The following CFAP65 variants were observed in gnomAD, a reference collection of about 807,000 sequenced individuals.
The protein encoded by CFAP65 is cilia- and flagella-associated protein 65.
A neutral mutation model predicts 208.0 loss-of-function variants in CFAP65; 155 were observed. The ratio of observed to expected loss-of-function variants is 0.75; its 90% CI spans 0.65 to 0.85. The LOEUF (loss-of-function observed/expected upper bound fraction) is 0.85. CFAP65 is among the 40% of genes least tolerant of loss of function. The pLI, the probability that CFAP65 is intolerant of heterozygous loss-of-function variation, is 0.00. For synonymous variants in CFAP65, 970 were observed against 986.3 expected (o/e 0.98, Z 0.31); for missense variants, 2,294 against 2,451.3 (o/e 0.94, Z 1.36).
At position 219,005,899 on chromosome 2, in the gene CFAP65, C is replaced by G. The variant is rs1945935608; in HGVS notation, c.4922+122G>C. The stretch of plus-strand genomic sequence containing the variant: ...CCTGGGCCCAGAGGCGCTCAATGAG[C>G]CCCACTGCTGCTGCCCATGCTCCAC... On this transcript the variant is annotated intron_variant, in intron 31 of 34. Transcript: ENST00000341552. The G allele has an allele frequency of 1.4e-5, 14 of 1,011,838 alleles. No homozygotes were observed. In the South Asian group the frequency reaches 2.2e-4, roughly 16 times the overall value. 62.7% of individuals were successfully genotyped at this position (1,011,838 alleles called of 1,614,324 possible).
chr2:219,030,540 G>C (rs968343131), intron 9 of CFAP65, 149 bp downstream of exon 9: 3 of 1,099,194 alleles, frequency 2.7e-6, no homozygotes, highest in Non-Finnish European at 2.6e-6. Flanking sequence ...CTGAGGAGAA[G>C]GACACACCTG....
Position 219,031,177 on chromosome 2 carries a change from T to G in CFAP65, c.944A>C (p.Tyr315Ser). ...GTACCAGCACGTGGCCTGCACCTCGTAGATGACGGCTGTAAGGGGCTGAAA... is the reference window on the plus strand; with the variant it reads ...GTACCAGCACGTGGCCTGCACCTCGGAGATGACGGCTGTAAGGGGCTGAAA... ...VTFQPLTAVI[Y>S]EVQATCWYGA... Residue 315 changes from tyrosine to serine, a missense_variant, in exon 8 of 35, where the codon TAC becomes TCC. By Grantham distance (144) the Tyr-to-Ser change is moderately radical. Around this residue, in one of 2 missense-constraint regions of CFAP65, gnomAD observed 867 missense variants for 1,012.6 expected, o/e 0.86. Transcript: ENST00000341552. This position sits in a 1 kb window ranked among gnomAD's most constrained non-coding sequence, Gnocchi z 5.2. The G allele has an allele frequency of 6.2e-7, 1 of 1,612,006 alleles. No homozygotes were observed. Among genetic ancestry groups the G allele is most frequent in the Non-Finnish European group, 8.5e-7 (1 of 1,179,232 alleles).
In CFAP65 at chr2:219,019,091, A is replaced by AT. The variant is rs1947098671; in HGVS notation, c.3561dup (p.Phe1188IlefsTer21). 6.2e-7 allele frequency: 1 copy of AT among 1,614,134 alleles called. No individual in the cohort carries two copies. The highest frequency in any genetic ancestry group is 1.3e-5 in the African/African-American group (1 of 74,952). On this transcript the variant is annotated frameshift_variant, in exon 21 of 35. Transcript: ENST00000341552. LOFTEE classifies it high-confidence loss of function. ...ACTCCGCTGTTCTTCAGGGCCAGGA[A>AT]TACCACGGAAGGTGGGGCCTTGAAT...
Position 219,006,478 on chromosome 2 carries a change from G to A in CFAP65, c.4706C>T (p.Ala1569Val), listed in dbSNP as rs539966943. The A allele has an allele frequency of 2.5e-6, 4 of 1,613,630 alleles. No individual in the cohort carries two copies. The highest frequency in any genetic ancestry group is 2.2e-5 in the South Asian group (2 of 91,066). ...KRTCCTACEPARKYKTLPPIK... is the reference protein window; with the variant it reads ...KRTCCTACEPVRKYKTLPPIK... ...TCGCCGCCTCACCTTGTACTTCCTC[G>A]CAGGTTCACAGGCTGTGCAGCATGT... The change falls in exon 30 of 35, where the codon GCG becomes GTG. Residue 1569 changes from alanine to valine, a missense_variant. By Grantham distance (64) the Ala-to-Val change is moderately conservative. Coordinates refer to ENST00000341552, the MANE Select transcript of CFAP65 (RefSeq NM_194302.4).
chr2:219,003,249 T>G lies in CFAP65; in HGVS notation c.5579A>C (p.Gln1860Pro), dbSNP rs1945702980. ...GATCATGTTCTCCAGCAGCGCCTCC[T>G]GCAGGTTGGCGAAGGCCGGGAGCCT... ...IRRLPAFANLQEALLENMIQN... is the reference protein window; with the variant it reads ...IRRLPAFANLPEALLENMIQN... The change falls in exon 34 of 35, where the codon CAG (glutamine) becomes CCG (proline). Residue 1860 changes from glutamine (Q) to proline (P), a missense_variant. Transcript: ENST00000341552. The surrounding 1 kb of genome is among the most constrained non-coding windows in gnomAD (Gnocchi z 4.4). 7 of 1,545,378 alleles carry G rather than the reference T, an allele frequency of 4.5e-6. No individual in the cohort carries two copies. The East Asian group carries it at 1.7e-4, about 38-fold the overall frequency.
rs13403802 is a variant in CFAP65, at chr2:219,027,847, C to T, written c.2014G>A (p.Val672Ile). Residue 672 changes from valine (V) to isoleucine (I), a missense_variant, in exon 13 of 35, where the codon GTA (valine) becomes ATA (isoleucine). By Grantham distance (29) the Val-to-Ile change is conservative. Coordinates refer to ENST00000341552, the MANE Select transcript of CFAP65 (RefSeq NM_194302.4). ...ACPGPEAPNP[V>I]PLCLMNHTKG... is the part of the protein sequence containing the mutation. ...GTGTGGTTCATCAGGCACAGGGGTA[C>T]AGGGTTGGGGGCCTCAGGCCCTGGG... 2.1e-3 allele frequency: 3,348 copies of T among 1,592,636 alleles called. 50 individuals carry two copies. The African/African-American group carries it at 0.038, about 18-fold the overall frequency.
At chr2:219,013,744 G>T in intron 22 of CFAP65, 124 bp downstream of exon 22, 2 of 1,145,708 alleles carry the variant, frequency 1.7e-6, no homozygotes, top group Non-Finnish European at 2.6e-6. Flanking sequence ...GACCTCCTCT[G>T]CAGGTGAGAA....
At chr2:219,005,806 G>T (rs1945926867) in intron 31 of CFAP65, among the ~76,000 whole-genome samples, 1 of 152,054 alleles carries the variant, frequency 6.6e-6, no homozygotes, top group South Asian at 2.1e-4. Context: ...GGCTGCCTAG[G>T]TGTGTTCCCC....
At position 219,003,120 on chromosome 2, in the gene CFAP65, T is replaced by C. The variant is rs150663004; in HGVS notation, c.5693+15A>G. On this transcript the variant is annotated intron_variant, in intron 34 of 34. Coordinates refer to ENST00000341552, the MANE Select transcript of CFAP65 (RefSeq NM_194302.4). The surrounding 1 kb of genome is among the most constrained non-coding windows in gnomAD (Gnocchi z 4.4). ...CTCGCGCGGTCTGCGCGGCCGCTGG[T>C]CCCGGCGCCCTTACCTGGGCACGCA... 5,531 of 1,542,628 alleles carry C rather than the reference T, an allele frequency of 3.6e-3. 173 individuals are homozygous for C. The African/African-American group carries it at 0.067, about 19-fold the overall frequency.
chr2:219,011,270 CT>C (rs528817484), intron 24 of CFAP65, among the ~76,000 whole-genome samples: 4,516 of 107,066 alleles, frequency 0.042, 27 homozygotes, highest in African/African-American at 0.083. Context: ...CTTTTTCTTT[CT>C]TTTTTTTTTT....
In CFAP65 at chr2:219,004,957, TTCTCTC is replaced by T. The variant is rs1344637525; in HGVS notation, c.5051+471_5051+476del. 1.4e-5 allele frequency among the ~76,000 whole-genome samples: 2 copies of T among 144,200 alleles called. No homozygotes were observed. Among genetic ancestry groups the T allele is most frequent in the African/African-American group, 5.7e-5 (2 of 34,938 alleles). 94.6% of individuals were successfully genotyped at this position (144,200 alleles called of 152,430 possible). On this transcript the variant is annotated intron_variant, in intron 32 of 34. Coordinates refer to ENST00000341552, the MANE Select transcript of CFAP65 (RefSeq NM_194302.4). The surrounding 1 kb of genome is among the most constrained non-coding windows in gnomAD (Gnocchi z 4.7). ...CTTTTTTCTTTCTTTCTTTCTTTCT[TTCTCTC>T]TCTTTCTTTCTTTCTCTCTTTCTGT...
At position 219,010,551 on chromosome 2, in the gene CFAP65, C is replaced by T; in HGVS notation, c.4303G>A (p.Gly1435Arg). ...CCTAGCTCCCCTTTCCCCACCTGTCCAGGCACCACCAGCCTAGAGTGTATG... is the reference window on the plus strand; with the variant it reads ...CCTAGCTCCCCTTTCCCCACCTGTCTAGGCACCACCAGCCTAGAGTGTATG... ...SSIHSRLVVP[G>R]QNVFLSQSHI... The change falls in exon 26 of 35, where the codon GGA (glycine) becomes AGA (arginine). Residue 1435 changes from glycine (G) to arginine (R), a missense_variant. Transcript: ENST00000341552. 4 of 1,609,474 alleles carry T rather than the reference C, an allele frequency of 2.5e-6. No individual in the cohort carries two copies. The South Asian group carries it at 3.3e-5, about 13-fold the overall frequency.
intron 17 of CFAP65, 39 bp downstream of exon 17, chr2:219,022,132 T>C: frequency 6.5e-7 from 1 of 1,529,184 alleles, no homozygotes; most frequent in Non-Finnish European, 8.8e-7. Flanking sequence ...TGTCCGGGCC[T>C]CTCCCCCAGC....
At chr2:219,041,547 T>G (rs1948657292), upstream of CFAP65, 40 of 1,550,294 alleles carry the variant, frequency 2.6e-5, no homozygotes, top group Non-Finnish European at 3.3e-5. Context: ...CGTCTTCAGA[T>G]ATCCCAGGGC....
At chr2:219,024,976 G>C (rs1022727355) in intron 14 of CFAP65, among the ~76,000 whole-genome samples, 2 of 152,202 alleles carry the variant, frequency 1.3e-5, no homozygotes, top group African/African-American at 4.8e-5. Context: ...CCTTCTAGAT[G>C]ATTCTCATGC....
At chr2:219,026,304 G>T in intron 13 of CFAP65, 145 bp from the exon 14 acceptor site, 1 of 858,378 alleles carries the variant, frequency 1.2e-6, no homozygotes, top group Admixed American at 2.7e-5. Context: ...ACAGTGCAGA[G>T]AACAAGAATC....
chr2:219,031,064 C>T lies in CFAP65; in HGVS notation c.1015+42G>A. On this transcript the variant is annotated intron_variant, in intron 8 of 34. Transcript: ENST00000341552. This position sits in a 1 kb window ranked among gnomAD's most constrained non-coding sequence, Gnocchi z 5.2. ...TGAGGCCTGGAGGACCCAGAAGGTG[C>T]AGGAGGGGCCAGTCTGGGGACGGTG... 1 of 1,549,180 alleles carries T rather than the reference C, an allele frequency of 6.5e-7. No homozygotes were observed.
At chr2:219,029,164 C>A (rs1947850376) in intron 11 of CFAP65, among the ~76,000 whole-genome samples, 1 of 152,220 alleles carries the variant, frequency 6.6e-6, no homozygotes, top group Non-Finnish European at 1.5e-5. Context: ...CCCATGAGCA[C>A]AGCAGCAGCA....
chr2:219,040,537 C>A lies in CFAP65; in HGVS notation c.-21G>T. On this transcript the variant is annotated 5_prime_UTR_variant, in exon 2 of 35. Coordinates refer to ENST00000341552, the MANE Select transcript of CFAP65 (RefSeq NM_194302.4). The stretch of plus-strand genomic sequence containing the variant: ...CTCCTACCTCCAATTGTGAACTGGA[C>A]GTTCAGATGAAATCAAAGAAATGTA... 1 of 1,519,812 alleles carries A rather than the reference C, an allele frequency of 6.6e-7. No individual in the cohort carries two copies. Among genetic ancestry groups the A allele is most frequent in the Non-Finnish European group, 8.9e-7 (1 of 1,118,090 alleles). 94.1% of individuals were successfully genotyped at this position (1,519,812 alleles called of 1,614,324 possible). A position where few individuals can be genotyped will look rare whatever the true frequency, so the allele number is the denominator to read the frequency against.
Sources: gnomAD v4.1 joint callset for allele counts (sites outside exome capture counted in the v4.1 genomes callset) on GRCh38, gnomAD v4.1.1 for gene constraint, gnomAD v4.1.1 regional missense constraint, Gnocchi (gnomAD v3.1) non-coding constraint, MANE v1.5 for transcripts, NCBI Gene and HGNC (gene_info 2026-07-23, HGNC 2026-07-21) for gene names.